Variants in STK4 observed in about 807,000 individuals in gnomAD.
The protein encoded by STK4 is serine/threonine kinase 4.
STK4 carries 30 observed loss-of-function variants against 64.9 expected under a neutral mutation model. The ratio of observed to expected loss-of-function variants is 0.46; its 90% confidence interval spans 0.35 to 0.63. STK4 has a LOEUF of 0.63. STK4 is among the 20% of genes least tolerant of loss of function. STK4 has a pLI of 0.01. For missense variants in STK4, 466 were observed against 598.5 expected (o/e 0.78, Z 2.31); for synonymous variants, 177 against 199.0 (o/e 0.89, Z 0.93).
chr20:45,053,518 T>C (rs1327765767), intron 10 of STK4, among the ~76,000 whole-genome samples: 1 of 152,200 alleles, frequency 6.6e-6, no homozygotes, highest in African/African-American at 2.4e-5. Flanking sequence ...GAAAAAGAGC[T>C]GAGTCCAGAC....
chr20:45,029,221 A>G (rs577428035), intron 10 of STK4, among the ~76,000 whole-genome samples: 1 of 152,290 alleles, frequency 6.6e-6, no homozygotes, highest in East Asian at 1.9e-4. Context: ...GCTGAGTGGC[A>G]GCTGCCCTCT....
At chr20:44,993,299 CT>C (rs898830870) in intron 5 of STK4, among the ~76,000 whole-genome samples, 27 of 151,902 alleles carry the variant, frequency 1.8e-4, no homozygotes, top group African/African-American at 6.3e-4. Context: ...AACTTCTGGA[CT>C]TTATATTTTT....
intron 9 of STK4, 77 bp downstream of exon 9, chr20:45,001,430 T>C: frequency 6.7e-7 from 1 of 1,497,588 alleles, no homozygotes; most frequent in East Asian, 2.3e-5. Flanking sequence ...TCATGGTTCA[T>C]GCAGGCTTAG....
intron 2 of STK4, chr20:44,975,388 T>G: frequency 1.0e-6 from 1 of 984,556 alleles, no homozygotes; most frequent in Non-Finnish European, 1.2e-6. Context: ...GGAGTTTTCC[T>G]TGCTATCAGG....
intron 7 of STK4, among the ~76,000 whole-genome samples, chr20:44,998,755 T>C (rs1209871077): frequency 6.6e-6 from 1 of 151,944 alleles, no homozygotes; most frequent in Non-Finnish European, 1.5e-5. Context: ...CATGAATGAG[T>C]TTAGATTTAA....
chr20:45,030,999 C>G (rs2145398376), intron 10 of STK4, among the ~76,000 whole-genome samples: 1 of 152,068 alleles, frequency 6.6e-6, no homozygotes, highest in South Asian at 2.1e-4. Context: ...GAGTTCGAGA[C>G]CAGCCTGGCA....
At chr20:45,000,682 T>G in intron 8 of STK4, 162 bp downstream of exon 8, 1 of 1,019,890 alleles carries the variant, frequency 9.8e-7, no homozygotes, top group Non-Finnish European at 1.4e-6. Flanking sequence ...AGAGGGTTGT[T>G]GTATCTGTGC....
chr20:45,007,601 T>G (rs565120664), intron 9 of STK4, among the ~76,000 whole-genome samples: 1 of 152,086 alleles, frequency 6.6e-6, no homozygotes, highest in Non-Finnish European at 1.5e-5. Context: ...CTCTCTTCAT[T>G]CCACAGAGCT....
chr20:45,040,045 AT>A (rs34807441), intron 10 of STK4, among the ~76,000 whole-genome samples: 17,870 of 131,350 alleles, frequency 0.14, 636 homozygotes, highest in East Asian at 0.2. Context: ...ATCAGGTTCG[AT>A]TTTTTTTTTT....
At chr20:45,017,289 G>A (rs534130859) in intron 9 of STK4, among the ~76,000 whole-genome samples, 4 of 152,292 alleles carry the variant, frequency 2.6e-5, no homozygotes, top group African/African-American at 9.6e-5. Flanking sequence ...TGTGTATAGA[G>A]CATTACTCTA....
intron 10 of STK4, among the ~76,000 whole-genome samples, chr20:45,062,823 G>A (rs6031963): frequency 0.17 from 25,084 of 145,946 alleles, 2,303 homozygotes; most frequent in East Asian, 0.22. Context: ...GACTACAGGC[G>A]CCCACCACCA....
intron 5 of STK4, among the ~76,000 whole-genome samples, chr20:44,994,092 T>A (rs902499791): frequency 6.6e-6 from 1 of 152,214 alleles, no homozygotes; most frequent in Non-Finnish European, 1.5e-5. Context: ...TGCTGTAATG[T>A]GTACTGTATC....
At chr20:45,049,368 C>G (rs555985247) in intron 10 of STK4, among the ~76,000 whole-genome samples, 7 of 152,286 alleles carry the variant, frequency 4.6e-5, no homozygotes, top group African/African-American at 1.7e-4. Context: ...TCTACCCCCT[C>G]CCAAGTGCTC....
chr20:45,005,868 C>CT (rs1010369777), intron 9 of STK4, among the ~76,000 whole-genome samples: 6 of 151,676 alleles, frequency 4.0e-5, no homozygotes, highest in African/African-American at 1.5e-4. Flanking sequence ...ATTTTTTTCT[C>CT]TTTTTTGAAT....
chr20:45,054,635 A>G (rs1978327445), intron 10 of STK4, among the ~76,000 whole-genome samples: 1 of 150,704 alleles, frequency 6.6e-6, no homozygotes, highest in African/African-American at 2.4e-5. Context: ...ACCTGATTCA[A>G]TTTTGATTTC....
At chr20:44,967,091 G>A in intron 1 of STK4, 10 of 968,846 alleles carry the variant, frequency 1.0e-5, no homozygotes, top group Non-Finnish European at 1.2e-5. Flanking sequence ...TGCGCCTAAG[G>A]CTGAAAGCAT....
chr20:44,982,477 C>A (rs1168941967), intron 4 of STK4, among the ~76,000 whole-genome samples: 6 of 151,978 alleles, frequency 3.9e-5, no homozygotes, highest in Non-Finnish European at 8.8e-5. Flanking sequence ...TGATTTTTAG[C>A]ATGCTTTGGT....
intron 9 of STK4, among the ~76,000 whole-genome samples, chr20:45,011,729 A>ATATATATATATATATATATATTTTTTT (rs60170856): frequency 8.7e-6 from 1 of 115,388 alleles, no homozygotes; most frequent in African/African-American, 3.6e-5. Context: ...ATATATATAT[A>ATATATATATATATATATATATTTTTTT]TTTTTTTTTT....
rs553339626 is a variant in STK4, at chr20:45,057,021, C to T, written c.1306-17997C>T. Among the ~76,000 whole-genome samples the T allele has an allele frequency of 2.5e-4, 38 of 152,278 alleles. 1 individual carries two copies. Among genetic ancestry groups the T allele is most frequent in the East Asian group, 1.5e-3 (8 of 5,186 alleles). ...GCCATCCAGTGGGTTACTGGCCATC[C>T]GGTGGGTAGCAGGGTGTGGGCCCTG... On this transcript the variant is annotated intron_variant, in intron 10 of 10. Transcript: ENST00000372806.
Sources: allele counts gnomAD v4.1 joint callset (sites outside exome capture counted in the v4.1 genomes callset), GRCh38; gene constraint gnomAD v4.1.1; transcripts MANE v1.5; gene names NCBI Gene and HGNC (gene_info 2026-07-23, HGNC 2026-07-21).